Variants in CCL24 observed in about 807,000 individuals in gnomAD.
CCL24 encodes C-C motif chemokine ligand 24.
A neutral mutation model predicts 8.6 loss-of-function variants in CCL24; 6 were observed. The ratio of observed to expected loss-of-function variants is 0.70; its 90% CI spans 0.38 to 1.38. The LOEUF (loss-of-function observed/expected upper bound fraction) is 1.38, where lower values mean the gene tolerates loss of function less well. Among genes scored for constraint, CCL24 ranks in the 40% most tolerant of loss-of-function variants. The pLI, the probability that CCL24 is intolerant of heterozygous loss-of-function variation, is 0.02. For missense variants in CCL24, 126 were observed against 147.1 expected (o/e 0.86, Z 0.74); for synonymous variants, 59 against 52.7 (o/e 1.12, Z -0.52).
In CCL24 at chr7:75,813,698, G is replaced by A; in HGVS notation, c.18C>T (p.Thr6=). 1.9e-6 allele frequency: 3 copies of A among 1,613,940 alleles called. No individual in the cohort carries two copies. In the South Asian group the frequency reaches 3.3e-5, roughly 18 times the overall value. The change falls in exon 1 of 3, where the codon ACC becomes ACT. Residue 6 remains threonine, a synonymous_variant. Transcript: ENST00000222902. ...CAAGGAACAGAAGGCTGGTTACTAT[G>A]GTCATCAGGCCTGCCATGTCTCAGA... MAGLM[T]IVTSLLFLGV...
At chr7:75,822,339 G>A (rs7802169) in intron 1 of CCL24, among the ~76,000 whole-genome samples, 71,049 of 151,972 alleles carry the variant, frequency 0.47, 17,938 homozygotes, top group East Asian at 0.78. Context: ...TTTAGCCTCT[G>A]TGAAGCTTAA....
chr7:75,815,681 G>A (rs1343896809), upstream of CCL24, among the ~76,000 whole-genome samples: 2 of 151,978 alleles, frequency 1.3e-5, no homozygotes, highest in African/African-American at 2.4e-5. Flanking sequence ...AGTGGGACAT[G>A]GCTCCCACCT....
At chr7:75,817,399 C>A (rs552153186), upstream of CCL24, among the ~76,000 whole-genome samples, 1 of 151,434 alleles carries the variant, frequency 6.6e-6, no homozygotes, top group East Asian at 1.9e-4. Flanking sequence ...CAGGAGTGGG[C>A]GAGCAGAAGG....
intron 1 of CCL24, among the ~76,000 whole-genome samples, chr7:75,822,419 T>C (rs1804069789): frequency 6.6e-6 from 1 of 152,098 alleles, no homozygotes; most frequent in Admixed American, 6.5e-5. Context: ...GCCTCAAGCT[T>C]CAGTGAGGGA....
chr7:75,815,470 C>A (rs577889709), upstream of CCL24, among the ~76,000 whole-genome samples: 1 of 151,618 alleles, frequency 6.6e-6, no homozygotes, highest in Admixed American at 6.6e-5. Context: ...AGCAAAACCC[C>A]GTCTTTAAAA....
At chr7:75,816,601 G>A (rs553015291), upstream of CCL24, among the ~76,000 whole-genome samples, 2 of 150,438 alleles carry the variant, frequency 1.3e-5, no homozygotes, top group East Asian at 1.9e-4. Flanking sequence ...TCTCTCTGTC[G>A]CCCAGGCTGG....
chr7:75,818,021 G>A (rs1803929587), upstream of CCL24, among the ~76,000 whole-genome samples: 1 of 151,210 alleles, frequency 6.6e-6, no homozygotes, highest in Non-Finnish European at 1.5e-5. Flanking sequence ...AGTGGAGGCG[G>A]GGTTTCACCA....
chr7:75,815,316 G>T (rs1368103918), upstream of CCL24, among the ~76,000 whole-genome samples: 2 of 150,654 alleles, frequency 1.3e-5, no homozygotes, highest in Non-Finnish European at 3.0e-5. Flanking sequence ...TCCAGCCTGG[G>T]TGACAGAGCA....
intron 1 of CCL24, among the ~76,000 whole-genome samples, chr7:75,819,427 C>T (rs1264559292): frequency 6.9e-6 from 1 of 144,570 alleles, no homozygotes; most frequent in Non-Finnish European, 1.5e-5. Context: ...GTGTTCGAGA[C>T]CAGCCTAGGC....
chr7:75,815,212 G>A (rs782047291), upstream of CCL24, among the ~76,000 whole-genome samples: 4 of 151,838 alleles, frequency 2.6e-5, no homozygotes, highest in African/African-American at 4.8e-5. Flanking sequence ...GGTGGTATGC[G>A]CCTGTAGTCC....
Position 75,811,943 on chromosome 7 carries a change from C to T in CCL24, c.213G>A (p.Gln71=), listed in dbSNP as rs1029499696. The T allele has an allele frequency of 1.9e-6, 3 of 1,610,552 alleles. No individual in the cohort carries two copies. The African/African-American group carries it at 4.1e-5, about 22-fold the overall frequency. The change falls in exon 3 of 3, where the codon CAG becomes CAA. Residue 71 remains glutamine, a synonymous_variant. Coordinates refer to ENST00000222902, the MANE Select transcript of CCL24 (RefSeq NM_002991.3). ...CCTGCTTGGGGTCGCCACAGAACTG[C>T]TGGCCCTTCTTGGTGGTGAAGCTGT... is the stretch of plus-strand genomic sequence containing the variant. The part of the protein sequence containing the change: ...AGVIFTTKKG[Q]QFCGDPKQEW...
intron 1 of CCL24, among the ~76,000 whole-genome samples, chr7:75,820,075 T>TCTTCTG (rs1563353852): frequency 2.1e-5 from 3 of 142,446 alleles, no homozygotes; most frequent in Non-Finnish European, 3.1e-5. Context: ...TTCTTCTTCT[T>TCTTCTG]CTTCTTCTTC....
At position 75,811,665 on chromosome 7, in the gene CCL24, C is replaced by T. The variant is rs1370120940; in HGVS notation, c.*131G>A. ...TCCCTCGGGTTTTTCATAGAAGAGA[C>T]ACATCCCTGGAGAGTGTTGCTAAGA... On this transcript the variant is annotated 3_prime_UTR_variant, in exon 3 of 3. Coordinates refer to ENST00000222902, the MANE Select transcript of CCL24 (RefSeq NM_002991.3). The T allele has an allele frequency of 3.9e-6, 3 of 770,388 alleles. No homozygotes were observed. The African/African-American group carries it at 5.3e-5, about 14-fold the overall frequency. 47.7% of individuals were successfully genotyped at this position (770,388 alleles called of 1,614,324 possible).
chr7:75,819,268 CAAAAAAAAAAAAAAAAAAAAA>C (rs1177321755), intron 1 of CCL24, among the ~76,000 whole-genome samples: 6 of 20,498 alleles, frequency 2.9e-4, no homozygotes, highest in Non-Finnish European at 4.2e-4. Context: ...AACTCCGTCT[CAAAAAAAAAAAAAAAAAAAAA>C]AAAAAAAAAA....
At chr7:75,819,812 G>T (rs1803986302) in intron 1 of CCL24, among the ~76,000 whole-genome samples, 1 of 151,956 alleles carries the variant, frequency 6.6e-6, no homozygotes, top group Non-Finnish European at 1.5e-5. Context: ...CCCAAGATGG[G>T]CAGCTATGGT....
chr7:75,813,840 C>A, upstream of CCL24: 2 of 678,692 alleles, frequency 2.9e-6, no homozygotes, highest in Admixed American at 2.2e-5. Flanking sequence ...CTTTATGGGG[C>A]AACTAGAAGG....
In CCL24 at chr7:75,813,353, G is replaced by A. The variant is rs782227281; in HGVS notation, c.144C>T (p.Val48=). ...VSKRIPENRV[V]SYQLSSRSTC... ...TGCTCCTGCTGGACAGCTGGTAGCT[G>A]ACCACTCGGTTCTCAGGAATTCTCT... The change falls in exon 2 of 3, where the codon GTC becomes GTT. Residue 48 remains valine, a synonymous_variant. Coordinates refer to ENST00000222902, the MANE Select transcript of CCL24 (RefSeq NM_002991.3). 1.9e-6 allele frequency: 3 copies of A among 1,613,622 alleles called. No homozygotes were observed. The highest frequency in any genetic ancestry group is 1.7e-4 in the Middle Eastern group (1 of 6,058).
chr7:75,820,472 C>T (rs887945587), intron 1 of CCL24, among the ~76,000 whole-genome samples: 1 of 152,298 alleles, frequency 6.6e-6, no homozygotes, highest in East Asian at 1.9e-4. Context: ...TGAGCCACCT[C>T]GCCTGGCAGT....
At chr7:75,816,729 T>G (rs1803899167), upstream of CCL24, among the ~76,000 whole-genome samples, 1 of 151,460 alleles carries the variant, frequency 6.6e-6, no homozygotes, top group African/African-American at 2.4e-5. Flanking sequence ...GTCTTGCTAA[T>G]TGTTGTATTT....
Sources: gnomAD v4.1 joint callset for allele counts (sites outside exome capture counted in the v4.1 genomes callset) on GRCh38, gnomAD v4.1.1 for gene constraint, MANE v1.5 for transcripts, NCBI Gene and HGNC (gene_info 2026-07-23, HGNC 2026-07-21) for gene names.